The following VAV3 variants were observed in gnomAD, a reference collection of about 807,000 sequenced individuals.
The protein encoded by VAV3 is vav guanine nucleotide exchange factor 3, also known as guanine nucleotide exchange factor VAV3.
Under a neutral mutation model 131.2 loss-of-function variants are expected in VAV3, and 94 were observed. That is an observed-to-expected ratio of 0.72 (90% CI 0.61 to 0.85). The LOEUF (loss-of-function observed/expected upper bound fraction) is 0.85. Among genes scored for constraint, VAV3 ranks in the 40% least tolerant of loss-of-function variants. The probability of loss-of-function intolerance (pLI) is 0.00; values close to 1 mark genes in which losing one functional copy is unlikely to be tolerated. For synonymous variants in VAV3, 349 were observed against 342.0 expected (o/e 1.02, Z -0.22); for missense variants, 939 against 1,002.7 (o/e 0.94, Z 0.86).
chr1:107,894,622 T>C (rs1671480579), intron 1 of VAV3, among the ~76,000 whole-genome samples: 1 of 152,242 alleles, frequency 6.6e-6, no homozygotes, highest in Non-Finnish European at 1.5e-5. Flanking sequence ...TTACTCTCTC[T>C]ATAATTAAAG....
chr1:107,814,249 C>G (rs1667467250), intron 2 of VAV3, among the ~76,000 whole-genome samples: 1 of 152,090 alleles, frequency 6.6e-6, no homozygotes, highest in African/African-American at 2.4e-5. Context: ...AATGGCTATA[C>G]TAATTTACAT....
intron 2 of VAV3, among the ~76,000 whole-genome samples, chr1:107,797,982 T>C (rs1353641715): frequency 6.6e-6 from 1 of 152,174 alleles, no homozygotes; most frequent in African/African-American, 2.4e-5. Flanking sequence ...ACCACTGACA[T>C]AGAGCGATAA....
intron 15 of VAV3, among the ~76,000 whole-genome samples, chr1:107,734,718 T>C (rs1662483243): frequency 6.6e-6 from 1 of 152,162 alleles, no homozygotes; most frequent in Non-Finnish European, 1.5e-5. Flanking sequence ...AGCAAGTCTT[T>C]AGAGACCTAC....
At chr1:107,793,513 GACC>G (rs771848904) in intron 2 of VAV3, among the ~76,000 whole-genome samples, 81 of 152,242 alleles carry the variant, frequency 5.3e-4, no homozygotes, top group Non-Finnish European at 4.3e-4. Context: ...GCAGCACCTA[GACC>G]ACCACATGGC....
At chr1:107,829,001 G>T (rs944418037) in intron 2 of VAV3, among the ~76,000 whole-genome samples, 4 of 152,146 alleles carry the variant, frequency 2.6e-5, no homozygotes, top group African/African-American at 9.7e-5. Flanking sequence ...TAAATGTCAA[G>T]AATTCTAACA....
intron 20 of VAV3, among the ~76,000 whole-genome samples, chr1:107,636,921 CT>C: frequency 6.6e-6 from 1 of 152,152 alleles, no homozygotes; most frequent in East Asian, 1.9e-4. Context: ...AGCAAACACC[CT>C]ACCTTAACGA....
intron 15 of VAV3, among the ~76,000 whole-genome samples, chr1:107,711,003 A>T (rs1411979461): frequency 1.3e-5 from 2 of 152,216 alleles, no homozygotes; most frequent in Non-Finnish European, 2.9e-5. Flanking sequence ...TATATTGAAA[A>T]TAAAAGTTTT....
At chr1:107,895,170 A>G (rs1457982764) in intron 1 of VAV3, among the ~76,000 whole-genome samples, 1 of 152,146 alleles carries the variant, frequency 6.6e-6, no homozygotes, top group African/African-American at 2.4e-5. Flanking sequence ...CAGGGCTGCA[A>G]TGATCATGAG....
chr1:107,657,375 G>A (rs2101604965), intron 19 of VAV3, among the ~76,000 whole-genome samples: 1 of 152,226 alleles, frequency 6.6e-6, no homozygotes, highest in South Asian at 2.1e-4. Context: ...TTAAATCATG[G>A]CCTACAAATA....
intron 1 of VAV3, among the ~76,000 whole-genome samples, chr1:107,919,279 A>G (rs574078616): frequency 6.6e-6 from 1 of 152,368 alleles, no homozygotes; most frequent in South Asian, 2.1e-4. Context: ...ACTACTGCTC[A>G]TCAATTTAAG....
In VAV3 at chr1:107,869,167, T is replaced by C. The variant is rs140153591; in HGVS notation, c.321+5734A>G. 7.7e-3 allele frequency among the ~76,000 whole-genome samples: 1,178 copies of C among 152,244 alleles called. 20 individuals are homozygous for C. The highest frequency in any genetic ancestry group is 0.027 in the African/African-American group (1,109 of 41,544). ...AACCATCACTATGTGGTCAAAGGCA[T>C]GGGATATAATTGATGAAACCATCCA... On this transcript the variant is annotated intron_variant, in intron 2 of 26. Transcript: ENST00000370056.
At chr1:107,764,956 A>T in intron 9 of VAV3, 120 bp downstream of exon 9, 1 of 641,866 alleles carries the variant, frequency 1.6e-6, no homozygotes, top group South Asian at 2.3e-5. Context: ...TATTTTATAA[A>T]ATTGACATGA....
chr1:107,592,791 C>A (rs960691709), intron 25 of VAV3, among the ~76,000 whole-genome samples: 1 of 152,090 alleles, frequency 6.6e-6, no homozygotes, highest in Admixed American at 6.6e-5. Context: ...TGGCAGACCT[C>A]AAAATAATTA....
intron 1 of VAV3, among the ~76,000 whole-genome samples, chr1:107,899,944 C>CTT (rs1671776742): frequency 6.6e-6 from 1 of 152,132 alleles, no homozygotes; most frequent in Non-Finnish European, 1.5e-5. Context: ...CTTCAAGAAT[C>CTT]TCCTTAGGTC....
At chr1:107,962,361 G>C (rs1310000469) in intron 1 of VAV3, among the ~76,000 whole-genome samples, 1 of 152,118 alleles carries the variant, frequency 6.6e-6, no homozygotes. Flanking sequence ...CAGCCCAAAG[G>C]AACCGGTAGG....
chr1:107,922,850 G>A (rs1449420485), intron 1 of VAV3, among the ~76,000 whole-genome samples: 1 of 151,962 alleles, frequency 6.6e-6, no homozygotes, highest in African/African-American at 2.4e-5. Context: ...TACTCGGGAG[G>A]CTGAGGCGGG....
chr1:107,641,956 G>A (rs759568720), intron 20 of VAV3, among the ~76,000 whole-genome samples: 2 of 152,048 alleles, frequency 1.3e-5, no homozygotes, highest in South Asian at 2.1e-4. Context: ...AATATTTTCC[G>A]CATATCATGT....
chr1:107,642,447 C>A (rs1570669475), intron 20 of VAV3, among the ~76,000 whole-genome samples, 172 bp downstream of exon 20: 1 of 152,172 alleles, frequency 6.6e-6, no homozygotes, highest in Admixed American at 6.6e-5. Context: ...GGGCAACCAG[C>A]AACCCTCGGG....
In VAV3 at chr1:107,578,817, T is replaced by C. The variant is rs1423544909; in HGVS notation, c.2351-4619A>G. ...TTATCCATAAAGAAATAAAACACTA[T>C]ATTTCTCCAAAATTTTCAATGAAGG... is the stretch of plus-strand genomic sequence containing the variant. On this transcript the variant is annotated intron_variant, in intron 25 of 26. Coordinates refer to ENST00000370056, the MANE Select transcript of VAV3 (RefSeq NM_006113.5). The C allele has an allele frequency of 1.0e-5, 10 of 985,194 alleles. No individual in the cohort carries two copies. The East Asian group carries it at 9.1e-4, about 89-fold the overall frequency. The allele number at this position is 985,194 out of a possible 1,614,324, so 61.0% of individuals were successfully genotyped here. A position where few individuals can be genotyped will look rare whatever the true frequency, so the allele number is the denominator to read the frequency against.
Sources: allele counts gnomAD v4.1 joint callset (sites outside exome capture counted in the v4.1 genomes callset), GRCh38; gene constraint gnomAD v4.1.1; transcripts MANE v1.5; gene names NCBI Gene and HGNC (gene_info 2026-07-23, HGNC 2026-07-21).